RBFOX1: variants seen among roughly 807,000 people sequenced by gnomAD.
The protein encoded by RBFOX1 is RNA binding fox-1 homolog 1.
Under a neutral mutation model 57.7 loss-of-function variants are expected in RBFOX1, and 8 were observed. The observed-to-expected ratio is 0.14, with a 90% CI of 0.08 to 0.25. RBFOX1 has a LOEUF of 0.25. RBFOX1 is among the 10% of genes least tolerant of loss of function. The probability of loss-of-function intolerance (pLI) is 1.00; values close to 1 mark genes in which losing one functional copy is unlikely to be tolerated. For synonymous variants in RBFOX1, 326 were observed against 222.4 expected (o/e 1.47, Z -4.15); for missense variants, 611 against 548.5 (o/e 1.11, Z -1.14).
At chr16:5,755,360 T>A (rs1358861384) in intron 3 of RBFOX1, among the ~76,000 whole-genome samples, 2 of 152,200 alleles carry the variant, frequency 1.3e-5, no homozygotes, top group Non-Finnish European at 2.9e-5. Context: ...CCCACAATTC[T>A]GGCAACTGAG....
intron 4 of RBFOX1, among the ~76,000 whole-genome samples, chr16:7,103,069 C>T (rs2062966582): frequency 8.0e-6 from 1 of 124,372 alleles, no homozygotes; most frequent in African/African-American, 3.1e-5. Flanking sequence ...CTATCTTTGC[C>T]TCAAAAAAAA....
intron 2 of RBFOX1, among the ~76,000 whole-genome samples, chr16:6,640,266 G>T (rs866492184): frequency 3.3e-5 from 5 of 152,216 alleles, no homozygotes; most frequent in African/African-American, 7.2e-5. Context: ...TCAAGAAGTT[G>T]ATATACTATT....
chr16:6,571,543 CGG>C lies in RBFOX1; in HGVS notation c.-63-83057_-63-83056del, dbSNP rs200663796. Among the ~76,000 whole-genome samples, 998 of 151,926 alleles carry C rather than the reference CGG, an allele frequency of 6.6e-3. 14 individuals carry two copies. Among genetic ancestry groups the C allele is most frequent in the South Asian group, 0.03 (142 of 4,798 alleles). ...CAAGGGGTTTGTGTGCTGGGGTAGTCGGGGAGAGAGGAGAGGATTTGATGGAG... is the reference window on the plus strand; with the variant it reads ...CAAGGGGTTTGTGTGCTGGGGTAGTCGGAGAGAGGAGAGGATTTGATGGAG... On this transcript the variant is annotated intron_variant, in intron 2 of 15. Transcript: ENST00000550418.
chr16:5,560,838 C>T (rs4786709), intron 2 of RBFOX1, among the ~76,000 whole-genome samples: 1 of 151,992 alleles, frequency 6.6e-6, no homozygotes, highest in African/African-American at 2.4e-5. Context: ...TTCACACTGT[C>T]CACCCATCCT....
chr16:5,885,965 C>T lies in RBFOX1; in HGVS notation c.351+18630C>T, dbSNP rs116813351. Among the ~76,000 whole-genome samples, 318 of 152,222 alleles carry T rather than the reference C, an allele frequency of 2.1e-3. 2 individuals carry two copies. The highest frequency in any genetic ancestry group is 7.2e-3 in the African/African-American group (297 of 41,530). The stretch of plus-strand genomic sequence containing the variant: ...GTGATTGGGTTATGTGGGTGGATTT[C>T]TCTGTTGCCACTCTCATGATAGTGA... On this transcript the variant is annotated intron_variant, in intron 4 of 19. Transcript: ENST00000641259.
At chr16:5,913,393 T>G (rs1450929424) in intron 4 of RBFOX1, among the ~76,000 whole-genome samples, 1 of 152,158 alleles carries the variant, frequency 6.6e-6, no homozygotes, top group East Asian at 1.9e-4. Context: ...GTTTGGGTGA[T>G]GGGGGGCAGT....
At chr16:7,709,824 C>CACTTCTATGTACATGTTTCTAT in intron 15 of RBFOX1, 1 of 1,261,508 alleles carries the variant, frequency 7.9e-7, no homozygotes, top group Non-Finnish European at 1.0e-6. Context: ...AACTTCTATG[C>CACTTCTATGTACATGTTTCTAT]ACTGAAACTC....
chr16:6,958,226 T>C (rs2153540217), intron 3 of RBFOX1, among the ~76,000 whole-genome samples: 1 of 152,332 alleles, frequency 6.6e-6, no homozygotes, highest in East Asian at 1.9e-4. Context: ...TTGGCCGTCT[T>C]TGCTGAGCCC....
chr16:6,806,339 A>C (rs2086754311), intron 3 of RBFOX1, among the ~76,000 whole-genome samples: 1 of 152,218 alleles, frequency 6.6e-6, no homozygotes, highest in Non-Finnish European at 1.5e-5. Context: ...GTCATCCAAA[A>C]AACTATAGAG....
chr16:5,928,263 T>G (rs1190718557), intron 4 of RBFOX1, among the ~76,000 whole-genome samples: 1 of 151,932 alleles, frequency 6.6e-6, no homozygotes, highest in African/African-American at 2.4e-5. Context: ...TAATTGTTTG[T>G]AGAGACGGGG....
intron 1 of RBFOX1, among the ~76,000 whole-genome samples, chr16:5,313,540 AC>A (rs1294349183): frequency 6.6e-6 from 1 of 152,106 alleles, no homozygotes; most frequent in Non-Finnish European, 1.5e-5. Flanking sequence ...ATAAAGACTT[AC>A]CCGAGACTGG....
At chr16:6,198,134 A>AG (rs1014721772) in intron 1 of RBFOX1, among the ~76,000 whole-genome samples, 15 of 152,144 alleles carry the variant, frequency 9.9e-5, no homozygotes, top group African/African-American at 3.6e-4. Flanking sequence ...GGGAAGGATG[A>AG]GGGGGGTGAC....
At chr16:6,527,330 G>C (rs1208955302) in intron 2 of RBFOX1, among the ~76,000 whole-genome samples, 4 of 151,928 alleles carry the variant, frequency 2.6e-5, no homozygotes, top group African/African-American at 9.7e-5. Context: ...GGGTGTGTAT[G>C]TGTGTGTATG....
chr16:7,178,546 C>A (rs1235259207), intron 4 of RBFOX1, among the ~76,000 whole-genome samples: 1 of 152,122 alleles, frequency 6.6e-6, no homozygotes, highest in African/African-American at 2.4e-5. Context: ...TGGCAAAGAA[C>A]CTATCTGCAT....
rs1258899775 is a variant in RBFOX1, at chr16:6,282,424, G to C, written c.-126-34571G>C. Among the ~76,000 whole-genome samples the C allele has an allele frequency of 2.1e-5, 3 of 144,180 alleles. No individual in the cohort carries two copies. In the East Asian group the frequency reaches 6.3e-4, roughly 30 times the overall value. The allele number at this position is 144,180 out of a possible 152,430, so 94.6% of individuals were successfully genotyped here. A position where few individuals can be genotyped will look rare whatever the true frequency, so the allele number is the denominator to read the frequency against. On this transcript the variant is annotated intron_variant, in intron 1 of 15. Transcript: ENST00000550418. ...ATACGTGTTCAGAGAGAGTGTGCAA[G>C]TTTGTTACACAGATAAACATGTGCC...
Position 5,925,970 on chromosome 16 carries a change from G to C in RBFOX1, c.351+58635G>C, listed in dbSNP as rs887891050. Among the ~76,000 whole-genome samples the C allele has an allele frequency of 2.0e-5, 3 of 152,134 alleles. No individual in the cohort carries two copies. The East Asian group carries it at 5.8e-4, about 29-fold the overall frequency. ...AGTGGCCTTCCTTACCTTTCCTATT[G>C]TCTATTGTCCTCTGTTTACTACAGG... On this transcript the variant is annotated intron_variant, in intron 4 of 19. Coordinates refer to the RBFOX1 transcript ENST00000641259.
At chr16:6,647,490 T>C (rs1054900715) in intron 2 of RBFOX1, among the ~76,000 whole-genome samples, 3 of 152,140 alleles carry the variant, frequency 2.0e-5, no homozygotes, top group African/African-American at 7.2e-5. Flanking sequence ...TCAAGTGATA[T>C]ACCTGCCTTA....
chr16:6,810,825 T>C (rs2088337699), intron 3 of RBFOX1, among the ~76,000 whole-genome samples: 1 of 152,072 alleles, frequency 6.6e-6, no homozygotes, highest in South Asian at 2.1e-4. Flanking sequence ...AGGAGAACAG[T>C]GTGCCGGGAA....
chr16:7,507,463 G>A (rs749693617), intron 4 of RBFOX1, among the ~76,000 whole-genome samples: 5 of 152,148 alleles, frequency 3.3e-5, no homozygotes, highest in African/African-American at 1.2e-4. Context: ...ACTATCTGGG[G>A]CAACTTTTGA....
Sources: gnomAD v4.1 joint callset for allele counts (sites outside exome capture counted in the v4.1 genomes callset) on GRCh38, gnomAD v4.1.1 for gene constraint, MANE v1.5 for transcripts, NCBI Gene and HGNC (gene_info 2026-07-23, HGNC 2026-07-21) for gene names.